Variants in ACOXL observed in about 807,000 individuals in gnomAD.
The protein encoded by ACOXL is acyl-CoA oxidase like.
A neutral mutation model predicts 71.9 loss-of-function variants in ACOXL; 70 were observed. The ratio of observed to expected loss-of-function variants is 0.97; its 90% CI spans 0.80 to 1.19. ACOXL has a LOEUF of 1.19. Ranked by LOEUF, ACOXL falls within the 50% of genes most tolerant of loss-of-function variation. The pLI is 0.00. For missense variants in ACOXL, 703 were observed against 736.3 expected, an observed-to-expected ratio of 0.95 and a Z score of 0.52; for synonymous variants, 253 against 281.6, an observed-to-expected ratio of 0.90 and a Z score of 1.02.
At chr2:110,973,965 A>G (rs539628273) in intron 12 of ACOXL, among the ~76,000 whole-genome samples, 3 of 152,116 alleles carry the variant, frequency 2.0e-5, no homozygotes, top group Non-Finnish European at 2.9e-5. Flanking sequence ...CTTGTTTGCC[A>G]TCAGTCAGCA....
Position 110,805,339 on chromosome 2 carries a change from G to A in ACOXL, c.697G>A (p.Ala233Thr), listed in dbSNP as rs201243594. The A allele has an allele frequency of 3.7e-6, 6 of 1,614,238 alleles. No individual in the cohort carries two copies. Among genetic ancestry groups the A allele is most frequent in the Admixed American group, 3.3e-5 (2 of 60,036 alleles). ...NKSARFNAML[A>T]ALTPSRLAVA... is the part of the protein sequence containing the mutation. ...GAGTGCAAGATTCAATGCCATGCTGGCAGCACTGACCCCTTCGAGATTAGC... is the reference window on the plus strand; with the variant it reads ...GAGTGCAAGATTCAATGCCATGCTGACAGCACTGACCCCTTCGAGATTAGC... The change falls in exon 9 of 18, where the codon GCA (alanine) becomes ACA (threonine). Residue 233 changes from alanine to threonine, a missense_variant. By Grantham distance (58) the Ala-to-Thr change is moderately conservative. Transcript: ENST00000439055.
intron 16 of ACOXL, among the ~76,000 whole-genome samples, chr2:111,071,254 G>A (rs1455003988): frequency 6.6e-6 from 1 of 152,144 alleles, no homozygotes; most frequent in Non-Finnish European, 1.5e-5. Context: ...GACCCACTAA[G>A]ATGAACATCC....
At chr2:110,855,030 T>A (rs1318311691) in intron 10 of ACOXL, among the ~76,000 whole-genome samples, 1 of 152,226 alleles carries the variant, frequency 6.6e-6, no homozygotes, top group Non-Finnish European at 1.5e-5. Context: ...GAGAGTCTTC[T>A]TTTAAATCAC....
chr2:110,922,009 G>C (rs1336882168), intron 11 of ACOXL, among the ~76,000 whole-genome samples: 1 of 152,134 alleles, frequency 6.6e-6, no homozygotes, highest in African/African-American at 2.4e-5. Flanking sequence ...ATTTTGTTGT[G>C]GTTGGGAGGA....
At chr2:111,018,310 A>G (rs1202865607) in intron 14 of ACOXL, among the ~76,000 whole-genome samples, 1 of 152,100 alleles carries the variant, frequency 6.6e-6, no homozygotes, top group Admixed American at 6.5e-5. Flanking sequence ...TGAGACTGGA[A>G]CTGAGTCTGG....
chr2:110,760,822 A>G (rs1325660636), intron 1 of ACOXL, among the ~76,000 whole-genome samples: 3 of 152,224 alleles, frequency 2.0e-5, no homozygotes, highest in Admixed American at 6.5e-5. Context: ...AACAAGACAG[A>G]TAGGGAAATG....
At chr2:110,754,657 T>A (rs2104837612) in intron 1 of ACOXL, among the ~76,000 whole-genome samples, 1 of 152,370 alleles carries the variant, frequency 6.6e-6, no homozygotes, top group Admixed American at 6.5e-5. Flanking sequence ...GTTGTGTGTG[T>A]CAGTGGTTCA....
chr2:110,873,143 G>A (rs1280595704), intron 10 of ACOXL, among the ~76,000 whole-genome samples: 4 of 152,158 alleles, frequency 2.6e-5, no homozygotes, highest in African/African-American at 9.7e-5. Flanking sequence ...ACAAAACTGG[G>A]GAAGTTCTTG....
At chr2:111,034,245 C>G (rs752491207) in intron 15 of ACOXL, among the ~76,000 whole-genome samples, 48 of 152,346 alleles carry the variant, frequency 3.2e-4, no homozygotes, top group East Asian at 5.8e-4. Flanking sequence ...AAGCTCTTGC[C>G]TTTGCATCTG....
chr2:111,025,553 T>C (rs1411574725), intron 14 of ACOXL, among the ~76,000 whole-genome samples: 1 of 152,236 alleles, frequency 6.6e-6, no homozygotes, highest in East Asian at 1.9e-4. Context: ...GTGGTCTTAA[T>C]CTGCGTTTCT....
chr2:110,811,558 G>T (rs1434416688), intron 9 of ACOXL, among the ~76,000 whole-genome samples: 4 of 152,138 alleles, frequency 2.6e-5, no homozygotes, highest in African/African-American at 9.7e-5. Flanking sequence ...TTGTGATGTG[G>T]TGGCCTTACT....
intron 12 of ACOXL, among the ~76,000 whole-genome samples, chr2:110,974,727 C>T (rs2062367632): frequency 6.6e-6 from 1 of 152,130 alleles, no homozygotes; most frequent in Non-Finnish European, 1.5e-5. Context: ...GTTGCAGAGA[C>T]CTCTGTCTTG....
At chr2:110,844,550 CTTTT>C (rs72290322) in intron 10 of ACOXL, among the ~76,000 whole-genome samples, 1 of 133,530 alleles carries the variant, frequency 7.5e-6, no homozygotes. Context: ...CTTTTCTTTT[CTTTT>C]TTTTTTTTTT....
chr2:111,004,312 G>A (rs1372329136), intron 14 of ACOXL, among the ~76,000 whole-genome samples: 1 of 28,720 alleles, frequency 3.5e-5, no homozygotes. Context: ...AGAGATGCTT[G>A]GCCAAACCCT....
chr2:110,796,544 C>T (rs1031313770), intron 5 of ACOXL, among the ~76,000 whole-genome samples: 3 of 152,142 alleles, frequency 2.0e-5, no homozygotes, highest in East Asian at 1.9e-4. Context: ...TTTATGGGGA[C>T]GGGTGGCCTT....
At chr2:110,820,026 T>A (rs948830047) in intron 9 of ACOXL, among the ~76,000 whole-genome samples, 1 of 152,152 alleles carries the variant, frequency 6.6e-6, no homozygotes, top group Non-Finnish European at 1.5e-5. Context: ...GTAAGTAAAG[T>A]CCCTTGCACC....
chr2:110,857,854 C>G (rs1303325563), intron 10 of ACOXL, among the ~76,000 whole-genome samples: 1 of 152,048 alleles, frequency 6.6e-6, no homozygotes, highest in Non-Finnish European at 1.5e-5. Context: ...GCCTCCCGAG[C>G]AGATGGAAGC....
At chr2:110,885,642 T>A (rs1007932331) in intron 10 of ACOXL, among the ~76,000 whole-genome samples, 7 of 152,216 alleles carry the variant, frequency 4.6e-5, no homozygotes, top group African/African-American at 1.7e-4. Context: ...AACATTAGCT[T>A]TGTGTGTAAC....
At chr2:110,794,262 C>A in intron 5 of ACOXL, 88 bp downstream of exon 5, 2 of 1,292,422 alleles carry the variant, frequency 1.5e-6, no homozygotes, top group Non-Finnish European at 2.2e-6. Context: ...CAGCTTCACA[C>A]CCTCTGTGTG....
Sources: allele counts gnomAD v4.1 joint callset (sites outside exome capture counted in the v4.1 genomes callset), GRCh38; gene constraint gnomAD v4.1.1; transcripts MANE v1.5; gene names NCBI Gene and HGNC (gene_info 2026-07-23, HGNC 2026-07-21).